The following SLC25A48 variants were observed in gnomAD, a reference collection of about 807,000 sequenced individuals.
SLC25A48 encodes solute carrier family 25 member 48, also known as CTC-321K16.1.
In SLC25A48, 29 loss-of-function variants were observed where a neutral mutation model predicts 32.2. The observed-to-expected ratio is 0.90, with a 90% CI of 0.67 to 1.23. The LOEUF (loss-of-function observed/expected upper bound fraction) is 1.23, where lower values mean the gene tolerates loss of function less well. SLC25A48 is among the 50% of genes most tolerant of loss of function. The probability of loss-of-function intolerance (pLI) is 0.00; values close to 1 mark genes in which losing one functional copy is unlikely to be tolerated. For missense variants in SLC25A48, 399 were observed against 422.7 expected (o/e 0.94, Z 0.49); for synonymous variants, 164 against 172.3 (o/e 0.95, Z 0.38).
At chr5:135,731,250 G>T (rs1399614072) in intron 3 of SLC25A48, among the ~76,000 whole-genome samples, 1 of 152,140 alleles carries the variant, frequency 6.6e-6, no homozygotes, top group Non-Finnish European at 1.5e-5. Flanking sequence ...ATTTCACAAG[G>T]CAGTGTCATC....
chr5:135,840,573 C>A (rs1196259499), intron 1 of SLC25A48, among the ~76,000 whole-genome samples: 2 of 152,204 alleles, frequency 1.3e-5, no homozygotes, highest in African/African-American at 4.8e-5. Context: ...ACTCCCATTT[C>A]CACCTCTTCC....
chr5:135,593,921 G>C (rs1016430745), intron 1 of SLC25A48, among the ~76,000 whole-genome samples: 1 of 152,208 alleles, frequency 6.6e-6, no homozygotes, highest in Non-Finnish European at 1.5e-5. Flanking sequence ...TCTGGGACCA[G>C]CCCCCCTGGT....
At chr5:135,787,899 T>G (rs1756891080) in intron 3 of SLC25A48, among the ~76,000 whole-genome samples, 2 of 151,958 alleles carry the variant, frequency 1.3e-5, no homozygotes, top group Admixed American at 6.6e-5. Context: ...GTGATATTAC[T>G]GCTAATAGCC....
intron 2 of SLC25A48, among the ~76,000 whole-genome samples, chr5:135,843,041 G>A (rs1759133140): frequency 6.6e-6 from 1 of 152,198 alleles, no homozygotes; most frequent in Non-Finnish European, 1.5e-5. Flanking sequence ...CTGCTGCAAT[G>A]TCCTTTCTCC....
At chr5:135,789,693 CA>C (rs967961300) in intron 3 of SLC25A48, among the ~76,000 whole-genome samples, 4 of 151,088 alleles carry the variant, frequency 2.6e-5, no homozygotes, top group Non-Finnish European at 4.4e-5. Flanking sequence ...CCCCATGTGG[CA>C]GGGGGGTGTA....
At chr5:135,725,123 G>C (rs1755059121) in intron 3 of SLC25A48, among the ~76,000 whole-genome samples, 1 of 152,264 alleles carries the variant, frequency 6.6e-6, no homozygotes, top group African/African-American at 2.4e-5. Flanking sequence ...ACTGCTACAG[G>C]AACAGAGACA....
intron 1 of SLC25A48, among the ~76,000 whole-genome samples, chr5:135,584,229 A>G (rs1392863844): frequency 6.6e-6 from 1 of 152,254 alleles, no homozygotes; most frequent in Non-Finnish European, 1.5e-5. Context: ...TCCACCATCT[A>G]TTCATCCAAC....
chr5:135,586,535 T>C (rs1198993864), intron 1 of SLC25A48, among the ~76,000 whole-genome samples: 1 of 151,358 alleles, frequency 6.6e-6, no homozygotes, highest in African/African-American at 2.4e-5. Context: ...GACACAGACA[T>C]GGAGCCTTCT....
chr5:135,585,765 GATA>G (rs575237605), intron 1 of SLC25A48, among the ~76,000 whole-genome samples: 18 of 151,336 alleles, frequency 1.2e-4, no homozygotes, highest in Middle Eastern at 3.4e-3. Flanking sequence ...GTAAAAAGAA[GATA>G]ATAATAATAA....
intron 3 of SLC25A48, among the ~76,000 whole-genome samples, chr5:135,675,472 G>A (rs1753746299): frequency 6.6e-6 from 1 of 151,902 alleles, no homozygotes; most frequent in Non-Finnish European, 1.5e-5. Context: ...CCTTTCACCA[G>A]TGTATGTTCT....
At chr5:135,691,083 C>T (rs913264023) in intron 3 of SLC25A48, among the ~76,000 whole-genome samples, 1 of 152,150 alleles carries the variant, frequency 6.6e-6, no homozygotes, top group Non-Finnish European at 1.5e-5. Context: ...TAAGCTGTAT[C>T]AAGTATCAAG....
At chr5:135,829,958 C>T (rs576949514), upstream of SLC25A48, among the ~76,000 whole-genome samples, 68 of 152,130 alleles carry the variant, frequency 4.5e-4, no homozygotes, top group African/African-American at 1.5e-3. Flanking sequence ...AGCTCGGAGC[C>T]CTGAGGTGGA....
intron 3 of SLC25A48, among the ~76,000 whole-genome samples, chr5:135,745,433 C>T (rs890568628): frequency 6.6e-6 from 1 of 152,224 alleles, no homozygotes; most frequent in African/African-American, 2.4e-5. Flanking sequence ...CCATCACAAG[C>T]ATGTCACAGT....
rs533723532 is a variant in SLC25A48, at chr5:135,821,469, G to C, written c.-117+8543G>C. ...GCTCACTCCAGTTCCCTGGACTTGGGGGAACAGATCCTTGGGGCCCTTCCT... is the reference window on the plus strand; with the variant it reads ...GCTCACTCCAGTTCCCTGGACTTGGCGGAACAGATCCTTGGGGCCCTTCCT... On this transcript the variant is annotated intron_variant, in intron 4 of 10. Coordinates refer to the SLC25A48 transcript ENST00000646290. 4.7e-4 allele frequency among the ~76,000 whole-genome samples: 72 copies of C among 152,300 alleles called. 1 individual carries two copies. In the South Asian group the frequency reaches 0.015, roughly 31 times the overall value.
intron 3 of SLC25A48, among the ~76,000 whole-genome samples, chr5:135,736,215 G>T (rs4538606): frequency 0.28 from 42,916 of 151,724 alleles, 6,215 homozygotes; most frequent in East Asian, 0.45. Flanking sequence ...GACTAGGGAG[G>T]GAATGAAGTG....
At chr5:135,744,576 A>G (rs1755593049) in intron 3 of SLC25A48, among the ~76,000 whole-genome samples, 1 of 151,444 alleles carries the variant, frequency 6.6e-6, no homozygotes, top group African/African-American at 2.4e-5. Flanking sequence ...ACCTCAAGTG[A>G]TCCACCTGCC....
At chr5:135,789,931 C>T (rs1477990064) in intron 3 of SLC25A48, among the ~76,000 whole-genome samples, 1 of 151,900 alleles carries the variant, frequency 6.6e-6, no homozygotes, top group Non-Finnish European at 1.5e-5. Context: ...CAAATAATTT[C>T]TCAAGGTGTA....
At chr5:135,871,881 C>T in intron 5 of SLC25A48, 163 bp downstream of exon 5, 1 of 1,505,502 alleles carries the variant, frequency 6.6e-7, no homozygotes, top group Non-Finnish European at 8.9e-7. Flanking sequence ...GGCCCTCTCC[C>T]ACCTCAGTCT....
At chr5:135,865,667 A>G (rs1761131237) in intron 4 of SLC25A48, among the ~76,000 whole-genome samples, 1 of 152,162 alleles carries the variant, frequency 6.6e-6, no homozygotes, top group African/African-American at 2.4e-5. Context: ...TCCTGTCATC[A>G]GGAAACTCAC....
Sources: allele counts gnomAD v4.1 joint callset (sites outside exome capture counted in the v4.1 genomes callset), GRCh38; gene constraint gnomAD v4.1.1; transcripts MANE v1.5; gene names NCBI Gene and HGNC (gene_info 2026-07-23, HGNC 2026-07-21).